The following DHX37 variants were observed in gnomAD, a reference collection of about 807,000 sequenced individuals.
The protein encoded by DHX37 is probable ATP-dependent RNA helicase DHX37.
In DHX37, 52 loss-of-function variants were observed where a neutral mutation model predicts 134.3. That is an observed-to-expected ratio of 0.39 (90% confidence interval 0.31 to 0.49). The LOEUF is 0.49. Among genes scored for constraint, DHX37 ranks in the 20% least tolerant of loss-of-function variants. The pLI, the probability that DHX37 is intolerant of heterozygous loss-of-function variation, is 0.93. For missense variants in DHX37, 1,344 were observed against 1,580.8 expected, an observed-to-expected ratio of 0.85 and a Z score of 2.54; for synonymous variants, 634 against 670.7, an observed-to-expected ratio of 0.95 and a Z score of 0.85.
At position 124,954,161 on chromosome 12, in the gene DHX37, C is replaced by A; in HGVS notation, c.2504G>T (p.Arg835Leu). ...ELTRLKSKRA[R>L]VAQMKRTWAG... ...CCAGGTCCTCTTCATCTGGGCCACC[C>A]GGGCCCGCTTGCTCTTCAGCCTGGT... Residue 835 changes from arginine (R) to leucine (L), a missense_variant, in exon 19 of 27, where the codon CGG (arginine) becomes CTG (leucine). This residue lies in a region of DHX37 where 558 missense variants were observed against 650.0 expected (regional missense o/e 0.86). Coordinates refer to ENST00000308736, the MANE Select transcript of DHX37 (RefSeq NM_032656.4). 2 of 1,612,070 alleles carry A rather than the reference C, an allele frequency of 1.2e-6. No individual in the cohort carries two copies. Among genetic ancestry groups the A allele is most frequent in the Non-Finnish European group, 1.7e-6 (2 of 1,179,236 alleles).
rs1426564102 is a variant in DHX37, at chr12:124,968,618, GCA to G, written c.1322_1323del (p.Val441AlafsTer40). 3 of 1,614,034 alleles carry G rather than the reference GCA, an allele frequency of 1.9e-6. No homozygotes were observed. The highest frequency in any genetic ancestry group is 2.5e-6 in the Non-Finnish European group (3 of 1,180,052). On this transcript the variant is annotated frameshift_variant, in exon 10 of 27. Coordinates refer to ENST00000308736, the MANE Select transcript of DHX37 (RefSeq NM_032656.4). LOFTEE classifies it high-confidence loss of function. ...KVESRQFPVT[V>X]HFNKRTPLED... ...TCCAGCGGTGTCCGCTTGTTGAAAT[GCA>G]CAGTCACTGGGAACTGCCTGGATTC...
At position 124,950,457 on chromosome 12, in the gene DHX37, C is replaced by T; in HGVS notation, c.3077G>A (p.Cys1026Tyr). The T allele has an allele frequency of 6.3e-7, 1 of 1,589,594 alleles. No homozygotes were observed. Residue 1026 changes from cysteine (C) to tyrosine (Y), a missense_variant, in exon 23 of 27, where the codon TGC (cysteine) becomes TAC (tyrosine). Physicochemically the swap from Cys to Tyr is radical, Grantham distance 194. Coordinates refer to ENST00000308736, the MANE Select transcript of DHX37 (RefSeq NM_032656.4). Reference protein sequence around the residue: ...KPLEEPAPTYCPERGRVLCHR... With the variant: ...KPLEEPAPTYYPERGRVLCHR... The stretch of plus-strand genomic sequence containing the variant: ...ACACAGCACCCGCCCCCGCTCGGGG[C>T]AGTATGTAGGGGCTGGTTCCTCCAG...
Position 124,956,671 on chromosome 12 carries a change from C to G in DHX37, c.2453+20G>C, listed in dbSNP as rs1368614368. 2.6e-6 allele frequency: 4 copies of G among 1,524,094 alleles called. No individual in the cohort carries two copies. The Admixed American group carries it at 7.8e-5, about 30-fold the overall frequency. 94.4% of individuals were successfully genotyped at this position (1,524,094 alleles called of 1,614,324 possible). On this transcript the variant is annotated intron_variant, in intron 18 of 26. Coordinates refer to ENST00000308736, the MANE Select transcript of DHX37 (RefSeq NM_032656.4). ...TCGGAACTGAGCTTGGCCCTGAGTGCCCAGCCGCCAACCTCGCACCTGTCC... is the reference window on the plus strand; with the variant it reads ...TCGGAACTGAGCTTGGCCCTGAGTGGCCAGCCGCCAACCTCGCACCTGTCC...
intron 4 of DHX37, among the ~76,000 whole-genome samples, chr12:124,979,924 A>G (rs565720235): frequency 1.3e-5 from 2 of 152,226 alleles, no homozygotes; most frequent in Non-Finnish European, 2.9e-5. Flanking sequence ...GCAGGATCCC[A>G]ATTCCATTCA....
At chr12:124,983,953 T>C (rs1954809397) in intron 2 of DHX37, among the ~76,000 whole-genome samples, 1 of 152,194 alleles carries the variant, frequency 6.6e-6, no homozygotes, top group East Asian at 1.9e-4. Context: ...TTGATTCTCA[T>C]GAAGGCTCCA....
chr12:124,977,304 C>A (rs911240414), intron 5 of DHX37, 38 bp downstream of exon 5: 9 of 1,484,732 alleles, frequency 6.1e-6, no homozygotes, highest in Non-Finnish European at 8.0e-6. Context: ...TCCAGTGTCA[C>A]TGAGGGACCC....
At chr12:124,983,887 G>C (rs1954808457) in intron 2 of DHX37, among the ~76,000 whole-genome samples, 1 of 151,938 alleles carries the variant, frequency 6.6e-6, no homozygotes, top group Admixed American at 6.6e-5. Context: ...AGACCCTCAA[G>C]CCTCCTGATG....
intron 15 of DHX37, among the ~76,000 whole-genome samples, chr12:124,963,198 C>G (rs1954302802): frequency 6.6e-6 from 1 of 152,220 alleles, no homozygotes; most frequent in Non-Finnish European, 1.5e-5. Flanking sequence ...ACACCTGCCA[C>G]CCGGGGTGAG....
At chr12:124,970,023 A>G (rs1464002707) in intron 8 of DHX37, among the ~76,000 whole-genome samples, 1 of 152,182 alleles carries the variant, frequency 6.6e-6, no homozygotes, top group East Asian at 1.9e-4. Flanking sequence ...CCCAGGCTGG[A>G]GTGCAGTGGC....
intron 12 of DHX37, 58 bp downstream of exon 12, chr12:124,966,735 T>C (rs1954397550): frequency 4.5e-6 from 7 of 1,566,712 alleles, no homozygotes; most frequent in Non-Finnish European, 6.2e-6. Context: ...GGCTGGTAGC[T>C]GCCATCCTGG....
At chr12:124,988,190 C>A (rs1312822753) in intron 1 of DHX37, among the ~76,000 whole-genome samples, 1 of 151,886 alleles carries the variant, frequency 6.6e-6, no homozygotes, top group Non-Finnish European at 1.5e-5. Context: ...TGCCCTCTCC[C>A]GTAGAGAAAA....
intron 5 of DHX37, among the ~76,000 whole-genome samples, chr12:124,976,180 T>G (rs926055004): frequency 6.6e-6 from 1 of 152,236 alleles, no homozygotes; most frequent in Non-Finnish European, 1.5e-5. Flanking sequence ...GAGAATCCAG[T>G]GCGTCCTGTG....
Position 124,947,816 on chromosome 12 carries a change from T to TG in DHX37, c.3459dup (p.Thr1154HisfsTer54), listed in dbSNP as rs758465211. On this transcript the variant is annotated frameshift_variant, in exon 27 of 27. Transcript: ENST00000308736. LOFTEE classifies it high-confidence loss of function. Reference sequence around the variant, plus strand: ...CAGGTTTCTGGTCAGTGGACAGTGGTGGGGGGCCAGGCTTTCTCGATATCG... The same window carrying TG: ...CAGGTTTCTGGTCAGTGGACAGTGGTGGGGGGGCCAGGCTTTCTCGATATCG... 1.3e-6 allele frequency: 2 copies of TG among 1,589,020 alleles called. No individual in the cohort carries two copies. Among genetic ancestry groups the TG allele is most frequent in the East Asian group, 2.2e-5 (1 of 44,682 alleles).
chr12:124,954,263 G>T (rs1954041997), intron 18 of DHX37, 52 bp from the exon 19 acceptor site: 2 of 1,518,546 alleles, frequency 1.3e-6, no homozygotes, highest in Admixed American at 2.2e-5. Context: ...TGCGCTCAGG[G>T]CCTCAGCGGG....
At chr12:124,987,862 T>C (rs1290575632) in intron 1 of DHX37, among the ~76,000 whole-genome samples, 1 of 152,118 alleles carries the variant, frequency 6.6e-6, no homozygotes, top group Non-Finnish European at 1.5e-5. Flanking sequence ...TCAAAAACTT[T>C]TGAATTTTGG....
Position 124,987,423 on chromosome 12 carries a change from C to T in DHX37, c.107-1158G>A, listed in dbSNP as rs1162501439. On this transcript the variant is annotated intron_variant, in intron 1 of 26. Coordinates refer to ENST00000308736, the MANE Select transcript of DHX37 (RefSeq NM_032656.4). ...CTGGCCCCTGAGAAAGGCAGGGATA[C>T]ATGGAAATGTCCTGTTCTGATGTGA... Among the ~76,000 whole-genome samples, 5 of 152,178 alleles carry T rather than the reference C, an allele frequency of 3.3e-5. No homozygotes were observed. The East Asian group carries it at 9.6e-4, about 29-fold the overall frequency.
chr12:124,964,765 C>T, intron 14 of DHX37, 139 bp from the exon 15 acceptor site: 1 of 1,468,696 alleles, frequency 6.8e-7, no homozygotes, highest in Non-Finnish European at 9.1e-7. Flanking sequence ...GGGCCCAGTG[C>T]CTTGGGGGAG....
intron 15 of DHX37, among the ~76,000 whole-genome samples, chr12:124,961,252 G>GCACGCACGCACATACACGCGTGCACA (rs1954248174): frequency 9.4e-6 from 1 of 106,824 alleles, no homozygotes; most frequent in African/African-American, 7.1e-5. Flanking sequence ...ACGCGTGCAC[G>GCACGCACGCACATACACGCGTGCACA]CACGCACACA....
intron 26 of DHX37, 26 bp downstream of exon 26, chr12:124,948,058 C>A: frequency 6.2e-7 from 1 of 1,614,236 alleles, no homozygotes. Context: ...TGTCTACTCC[C>A]ACCCCCTGGC....
Sources: gnomAD v4.1 joint callset for allele counts (sites outside exome capture counted in the v4.1 genomes callset) on GRCh38, gnomAD v4.1.1 for gene constraint, gnomAD v4.1.1 regional missense constraint, MANE v1.5 for transcripts, NCBI Gene and HGNC (gene_info 2026-07-23, HGNC 2026-07-21) for gene names.